CTNNA3: variants seen among roughly 807,000 people sequenced by gnomAD.
The protein encoded by CTNNA3 is catenin alpha-3.
Under a neutral mutation model 95.7 loss-of-function variants are expected in CTNNA3, and 76 were observed. That is an observed-to-expected ratio of 0.79 (90% CI 0.66 to 0.96). CTNNA3 has a LOEUF of 0.96. Ranked by LOEUF, CTNNA3 falls within the 40% of genes least tolerant of loss-of-function variation. CTNNA3 has a pLI of 0.00. For synonymous variants in CTNNA3, 431 were observed against 374.4 expected, an observed-to-expected ratio of 1.15 and a Z score of -1.74; for missense variants, 1,191 against 1,089.8, an observed-to-expected ratio of 1.09 and a Z score of -1.31.
At chr10:66,526,509 T>A (rs767909902) in intron 10 of CTNNA3, among the ~76,000 whole-genome samples, 36 of 152,298 alleles carry the variant, frequency 2.4e-4, no homozygotes, top group Non-Finnish European at 4.0e-4. Context: ...ATTTAATTTA[T>A]GAAATGGCCA....
intron 10 of CTNNA3, among the ~76,000 whole-genome samples, chr10:66,563,614 C>T (rs1842618255): frequency 6.6e-6 from 1 of 152,050 alleles, no homozygotes; most frequent in South Asian, 2.1e-4. Context: ...GTTGGGCAAA[C>T]CCTCCTCCGA....
chr10:66,881,930 A>G lies in CTNNA3; in HGVS notation c.1048-106406T>C, dbSNP rs185174414. On this transcript the variant is annotated intron_variant, in intron 7 of 17. Coordinates refer to ENST00000433211, the MANE Select transcript of CTNNA3 (RefSeq NM_013266.4). The stretch of plus-strand genomic sequence containing the variant: ...CAAACTGCAAACTAAATTTTATACT[A>G]TATCTTTATTTTAGACCAGGACCTA... Among the ~76,000 whole-genome samples, 50 of 152,212 alleles carry G rather than the reference A, an allele frequency of 3.3e-4. No individual in the cohort carries two copies. The East Asian group carries it at 8.5e-3, about 26-fold the overall frequency.
intron 7 of CTNNA3, among the ~76,000 whole-genome samples, chr10:67,085,244 A>T (rs1435313812): frequency 6.6e-6 from 1 of 152,082 alleles, no homozygotes; most frequent in Middle Eastern, 3.4e-3. Context: ...AATTGTCTAC[A>T]TATATATGTG....
intron 1 of CTNNA3, among the ~76,000 whole-genome samples, chr10:67,673,878 T>C (rs1840488256): frequency 6.7e-6 from 1 of 149,172 alleles, no homozygotes; most frequent in Non-Finnish European, 1.5e-5. Context: ...ATAGATTTAG[T>C]TTGTTCCTTT....
intron 7 of CTNNA3, among the ~76,000 whole-genome samples, chr10:66,777,795 ACATG>A (rs750281512): frequency 1.5e-3 from 107 of 71,136 alleles, no homozygotes; most frequent in Admixed American, 3.9e-3. Context: ...ACACACACAC[ACATG>A]CACACACACA....
At chr10:67,305,522 A>C (rs1267350806) in intron 5 of CTNNA3, among the ~76,000 whole-genome samples, 1 of 152,138 alleles carries the variant, frequency 6.6e-6, no homozygotes, top group East Asian at 1.9e-4. Flanking sequence ...TCTATAGAGA[A>C]TCATGGAAGA....
intron 5 of CTNNA3, among the ~76,000 whole-genome samples, chr10:67,248,340 A>T (rs955202836): frequency 1.3e-5 from 2 of 152,156 alleles, no homozygotes; most frequent in Non-Finnish European, 2.9e-5. Context: ...TGTGTCAAAG[A>T]AAAAAAGAAC....
intron 1 of CTNNA3, among the ~76,000 whole-genome samples, chr10:67,691,654 G>C (rs369742448): frequency 6.6e-6 from 1 of 151,154 alleles, no homozygotes; most frequent in Admixed American, 6.6e-5. Flanking sequence ...CCCTCCGCCC[G>C]GCAGCCGCCC....
chr10:66,388,935 C>T (rs920667027), intron 11 of CTNNA3, among the ~76,000 whole-genome samples: 1 of 152,150 alleles, frequency 6.6e-6, no homozygotes, highest in Middle Eastern at 3.4e-3. Context: ...TGTTAGGTAC[C>T]TCCCACATAT....
At chr10:67,502,608 G>A (rs1564697559) in intron 5 of CTNNA3, among the ~76,000 whole-genome samples, 1 of 152,162 alleles carries the variant, frequency 6.6e-6, no homozygotes, top group African/African-American at 2.4e-5. Flanking sequence ...CAGGGAGATG[G>A]GTATTTTATC....
At chr10:66,754,961 A>C (rs574250648) in intron 9 of CTNNA3, among the ~76,000 whole-genome samples, 1 of 152,302 alleles carries the variant, frequency 6.6e-6, no homozygotes, top group South Asian at 2.1e-4. Flanking sequence ...CCACTCCTAC[A>C]TATATACCCA....
intron 15 of CTNNA3, among the ~76,000 whole-genome samples, chr10:66,005,519 T>C (rs7094454): frequency 0.12 from 18,647 of 152,080 alleles, 1,232 homozygotes; most frequent in East Asian, 0.2. Context: ...TACTTACAAT[T>C]CATATCGAAG....
At chr10:66,334,595 G>A (rs1029561836) in intron 12 of CTNNA3, among the ~76,000 whole-genome samples, 2 of 152,078 alleles carry the variant, frequency 1.3e-5, no homozygotes, top group Non-Finnish European at 2.9e-5. Flanking sequence ...TTTCTGCCGA[G>A]AGGTCAGCTG....
chr10:66,616,486 T>C (rs1407469033), intron 10 of CTNNA3, among the ~76,000 whole-genome samples: 3 of 152,120 alleles, frequency 2.0e-5, no homozygotes, highest in Non-Finnish European at 2.9e-5. Context: ...GGTCTTTTCC[T>C]GGCTAAAAAT....
chr10:67,613,011 T>C (rs1843514760), intron 2 of CTNNA3, among the ~76,000 whole-genome samples: 1 of 152,242 alleles, frequency 6.6e-6, no homozygotes, highest in Non-Finnish European at 1.5e-5. Context: ...GCACTACCTG[T>C]AGGCTACCTG....
rs369873887 is a variant in CTNNA3 at position 67,212,722 on chromosome 10, A to T, written c.843+6885T>A. Among the ~76,000 whole-genome samples, 6 of 151,998 alleles carry T rather than the reference A, an allele frequency of 3.9e-5. No individual in the cohort carries two copies. In the East Asian group the frequency reaches 9.6e-4, roughly 24 times the overall value. On this transcript the variant is annotated intron_variant, in intron 6 of 17. Transcript: ENST00000433211. ...GATTATTATATAGTTTTTCTCTTCT[A>T]ACTTGTTAATGAGGTGAATACCATC...
At chr10:67,648,213 G>T (rs1839776148) in intron 1 of CTNNA3, among the ~76,000 whole-genome samples, 1 of 152,162 alleles carries the variant, frequency 6.6e-6, no homozygotes. Context: ...AATTCAGTGA[G>T]ATTTTTGCCT....
intron 16 of CTNNA3, among the ~76,000 whole-genome samples, chr10:65,983,901 G>T (rs1477226229): frequency 3.3e-5 from 5 of 151,254 alleles, no homozygotes; most frequent in Admixed American, 2.0e-4. Flanking sequence ...AAATGAAAAG[G>T]CCAAGCAAGC....
chr10:67,373,347 T>C (rs887066429), intron 5 of CTNNA3, among the ~76,000 whole-genome samples: 1 of 152,128 alleles, frequency 6.6e-6, no homozygotes, highest in Non-Finnish European at 1.5e-5. Flanking sequence ...AAAACAGACT[T>C]TAAATCAATA....
Sources: gnomAD v4.1 joint callset for allele counts (sites outside exome capture counted in the v4.1 genomes callset) on GRCh38, gnomAD v4.1.1 for gene constraint, MANE v1.5 for transcripts, NCBI Gene and HGNC (gene_info 2026-07-23, HGNC 2026-07-21) for gene names.